ZNF385D: variants seen among roughly 807,000 people sequenced by gnomAD.
ZNF385D encodes zinc finger protein 659.
A neutral mutation model predicts 35.8 loss-of-function variants in ZNF385D; 15 were observed. The ratio of observed to expected loss-of-function variants is 0.42; its 90% CI spans 0.28 to 0.64. The LOEUF (loss-of-function observed/expected upper bound fraction) is 0.64. Ranked by LOEUF, ZNF385D falls within the 30% of genes least tolerant of loss-of-function variation. The pLI, the probability that ZNF385D is intolerant of heterozygous loss-of-function variation, is 0.23. For synonymous variants in ZNF385D, 212 were observed against 186.8 expected (o/e 1.13, Z -1.10); for missense variants, 474 against 494.6 (o/e 0.96, Z 0.39).
intron 3 of ZNF385D, among the ~76,000 whole-genome samples, chr3:21,759,554 C>T (rs909132727): frequency 6.6e-5 from 10 of 152,104 alleles, no homozygotes; most frequent in Non-Finnish European, 1.3e-4. Context: ...TAATAATATG[C>T]CTCCAAAGAC....
At chr3:21,946,840 A>C (rs576692003) in intron 3 of ZNF385D, among the ~76,000 whole-genome samples, 102 of 152,332 alleles carry the variant, frequency 6.7e-4, no homozygotes, top group African/African-American at 2.4e-3. Context: ...TCTAAAAAGT[A>C]AAAATAAAAA....
At chr3:21,589,055 G>A (rs1416128706) in intron 2 of ZNF385D, among the ~76,000 whole-genome samples, 2 of 152,066 alleles carry the variant, frequency 1.3e-5, no homozygotes, top group Non-Finnish European at 2.9e-5. Flanking sequence ...GACACAATAA[G>A]ATAAATAAGA....
At chr3:21,424,289 A>ATATATATATT (rs1324878181) in intron 6 of ZNF385D, among the ~76,000 whole-genome samples, 2 of 95,172 alleles carry the variant, frequency 2.1e-5, no homozygotes, top group African/African-American at 8.2e-5. Flanking sequence ...ATATATACTT[A>ATATATATATT]TATATATATA....
intron 2 of ZNF385D, among the ~76,000 whole-genome samples, chr3:21,627,045 G>A (rs1012657228): frequency 6.6e-6 from 1 of 151,368 alleles, no homozygotes; most frequent in Non-Finnish European, 1.5e-5. Flanking sequence ...GGACAATTTA[G>A]GGAGGTGTTT....
At chr3:21,610,297 C>T (rs2064630777) in intron 2 of ZNF385D, among the ~76,000 whole-genome samples, 1 of 151,466 alleles carries the variant, frequency 6.6e-6, no homozygotes, top group Admixed American at 6.6e-5. Flanking sequence ...TAAAACTCTC[C>T]TTCCCTTCCT....
intron 3 of ZNF385D, among the ~76,000 whole-genome samples, chr3:22,071,023 C>T (rs1700202959): frequency 6.6e-6 from 1 of 152,014 alleles, no homozygotes; most frequent in South Asian, 2.1e-4. Flanking sequence ...GTTGCCAAAT[C>T]TATGAAAAGA....
intron 2 of ZNF385D, among the ~76,000 whole-genome samples, chr3:21,617,260 G>A (rs975729184): frequency 1.3e-5 from 2 of 152,150 alleles, no homozygotes; most frequent in South Asian, 4.1e-4. Context: ...AATAACCTAA[G>A]TTCTTCATGT....
intron 3 of ZNF385D, among the ~76,000 whole-genome samples, chr3:22,066,153 T>C (rs182446404): frequency 6.6e-6 from 1 of 152,238 alleles, no homozygotes; most frequent in East Asian, 1.9e-4. Flanking sequence ...CCATTTTTTT[T>C]CTGATGCATA....
intron 2 of ZNF385D, among the ~76,000 whole-genome samples, chr3:22,267,535 T>C (rs538151378): frequency 3.3e-5 from 5 of 152,018 alleles, no homozygotes; most frequent in African/African-American, 9.6e-5. Flanking sequence ...ATAAGATCAA[T>C]AGTCAAATCA....
At chr3:21,956,891 C>T (rs1204085079) in intron 3 of ZNF385D, among the ~76,000 whole-genome samples, 3 of 151,806 alleles carry the variant, frequency 2.0e-5, no homozygotes, top group Admixed American at 1.3e-4. Context: ...ACCTTACCTT[C>T]AAGTTTATCA....
intron 3 of ZNF385D, among the ~76,000 whole-genome samples, chr3:21,822,441 GATTA>G (rs202112476): frequency 0.01 from 1,578 of 152,280 alleles, 23 homozygotes; most frequent in African/African-American, 0.033. Flanking sequence ...CCTCAGCACT[GATTA>G]ATTAATTGAC....
intron 3 of ZNF385D, among the ~76,000 whole-genome samples, chr3:21,798,154 ACCTG>A: frequency 6.6e-6 from 1 of 152,284 alleles, no homozygotes; most frequent in South Asian, 2.1e-4. Flanking sequence ...AAATCTCTGT[ACCTG>A]CCTTTTAATT....
chr3:22,273,579 G>A (rs1439757493), intron 2 of ZNF385D, among the ~76,000 whole-genome samples: 1 of 151,848 alleles, frequency 6.6e-6, no homozygotes, highest in Non-Finnish European at 1.5e-5. Context: ...GAGAACTCCT[G>A]TCCTAGAGGA....
chr3:22,220,529 ATC>A (rs754833406), intron 2 of ZNF385D, among the ~76,000 whole-genome samples: 2 of 152,150 alleles, frequency 1.3e-5, no homozygotes, highest in Non-Finnish European at 2.9e-5. Flanking sequence ...GATCATCTGA[ATC>A]TCTCTGATTT....
intron 3 of ZNF385D, among the ~76,000 whole-genome samples, chr3:21,778,350 C>A (rs530125106): frequency 6.6e-6 from 1 of 151,978 alleles, no homozygotes; most frequent in South Asian, 2.1e-4. Flanking sequence ...CAAAGCTCCT[C>A]CCAACTACTT....
chr3:22,352,456 G>T (rs1447311228), intron 2 of ZNF385D, among the ~76,000 whole-genome samples: 1 of 152,162 alleles, frequency 6.6e-6, no homozygotes. Context: ...ATTTTCCAAG[G>T]TGAAAAATGT....
chr3:22,224,912 CT>C (rs1319543575), intron 2 of ZNF385D, among the ~76,000 whole-genome samples: 1 of 152,096 alleles, frequency 6.6e-6, no homozygotes, highest in Non-Finnish European at 1.5e-5. Context: ...AACAGGGATG[CT>C]TTTTTACTAT....
chr3:21,741,455 G>T (rs1014622980), intron 1 of ZNF385D, among the ~76,000 whole-genome samples: 1 of 152,118 alleles, frequency 6.6e-6, no homozygotes, highest in African/African-American at 2.4e-5. Context: ...ATTAAAACAC[G>T]TGATGGTAAC....
At chr3:22,157,192 T>C (rs1338019762) in intron 3 of ZNF385D, among the ~76,000 whole-genome samples, 1 of 152,106 alleles carries the variant, frequency 6.6e-6, no homozygotes, top group African/African-American at 2.4e-5. Flanking sequence ...CTTTGGCAAA[T>C]TTCTTTACTT....
Sources: gnomAD v4.1 joint callset for allele counts (sites outside exome capture counted in the v4.1 genomes callset) on GRCh38, gnomAD v4.1.1 for gene constraint, MANE v1.5 for transcripts, NCBI Gene and HGNC (gene_info 2026-07-23, HGNC 2026-07-21) for gene names.